The following CST5 variants were observed in gnomAD, a reference collection of about 807,000 sequenced individuals.
CST5 encodes cystatin D, also known as cystatin-D.
Under a neutral mutation model 11.5 loss-of-function variants are expected in CST5, and 13 were observed. The ratio of observed to expected loss-of-function variants is 1.13; its 90% CI spans 0.73 to 1.79. CST5 has a LOEUF of 1.79. Among genes scored for constraint, CST5 ranks in the 40% most tolerant of loss-of-function variants. CST5 has a pLI of 0.00. For synonymous variants in CST5, 81 were observed against 67.6 expected, an observed-to-expected ratio of 1.20 and a Z score of -0.97; for missense variants, 219 against 174.5, an observed-to-expected ratio of 1.25 and a Z score of -1.44.
rs142729279 is a variant in CST5, at chr20:23,877,595, G to A, written c.255C>T (p.Tyr85=). The A allele has an allele frequency of 6.4e-4, 952 of 1,482,620 alleles. No individual in the cohort carries two copies. Among genetic ancestry groups the A allele is most frequent in the Admixed American group, 7.8e-4 (39 of 49,864 alleles). 91.8% of individuals were successfully genotyped at this position (1,482,620 alleles called of 1,614,324 possible). Residue 85 remains tyrosine, a synonymous_variant, in exon 2 of 3, where the codon TAC becomes TAT. Transcript: ENST00000304710. ...YQQIVGGVNY[Y]FNVKFGRTTC... ...TGGTTCGACCGAACTTCACATTGAA[G>A]TAGTAGTTCACCCCACCCACGATCT... is the stretch of plus-strand genomic sequence containing the variant.
chr20:23,877,368 C>G, intron 2 of CST5, 137 bp downstream of exon 2: 1 of 665,676 alleles, frequency 1.5e-6, no homozygotes, highest in Non-Finnish European at 2.6e-6. Context: ...CGTGGCCCCA[C>G]AAATATCTGC....
intron 1 of CST5, 62 bp downstream of exon 1, chr20:23,879,384 T>G: frequency 8.1e-7 from 1 of 1,237,544 alleles, no homozygotes; most frequent in Non-Finnish European, 1.2e-6. Context: ...GGGAGTGCTC[T>G]GGGGGGTGAG....
At chr20:23,878,778 A>G (rs1986016919) in intron 1 of CST5, among the ~76,000 whole-genome samples, 1 of 152,228 alleles carries the variant, frequency 6.6e-6, no homozygotes, top group Non-Finnish European at 1.5e-5. Context: ...CTGCTCTGCC[A>G]TGGGACGTAG....
rs1192748133 is a variant in CST5, at chr20:23,876,172, G to C, written c.*16C>G. ...GGAGTAGGAGGTGGTCAGTGTGACA[G>C]GCCTTGCACAGACCCCTAGACTTTC... On this transcript the variant is annotated 3_prime_UTR_variant, in exon 3 of 3. Coordinates refer to ENST00000304710, the MANE Select transcript of CST5 (RefSeq NM_001900.5). The C allele has an allele frequency of 6.2e-7, 1 of 1,602,518 alleles. No homozygotes were observed. Among genetic ancestry groups the C allele is most frequent in the Non-Finnish European group, 8.5e-7 (1 of 1,169,642 alleles).
At chr20:23,876,461 A>T (rs1289161009) in intron 2 of CST5, among the ~76,000 whole-genome samples, 190 bp from the exon 3 acceptor site, 1 of 152,098 alleles carries the variant, frequency 6.6e-6, no homozygotes, top group East Asian at 1.9e-4. Context: ...TGCCCCTCCC[A>T]AGGCTCCAAG....
At position 23,876,112 on chromosome 20, in the gene CST5, C is replaced by T; in HGVS notation, c.*76G>A. The T allele has an allele frequency of 2.5e-6, 3 of 1,220,876 alleles. No individual in the cohort carries two copies. Among genetic ancestry groups the T allele is most frequent in the East Asian group, 2.4e-5 (1 of 42,166 alleles). The allele number at this position is 1,220,876 out of a possible 1,614,324, so 75.6% of individuals were successfully genotyped here. Reference sequence around the variant, plus strand: ...GAGGAGACCTCCCCCAGGGTGGGGGCCACCAGTCCAGGGGTGGGAGCACTA... The same window carrying T: ...GAGGAGACCTCCCCCAGGGTGGGGGTCACCAGTCCAGGGGTGGGAGCACTA... On this transcript the variant is annotated 3_prime_UTR_variant, in exon 3 of 3. Transcript: ENST00000304710.
chr20:23,876,954 C>T (rs1985975846), intron 2 of CST5, among the ~76,000 whole-genome samples: 1 of 152,142 alleles, frequency 6.6e-6, no homozygotes, highest in African/African-American at 2.4e-5. Context: ...ACAGACAACA[C>T]CCCAAAGCAG....
Position 23,879,554 on chromosome 20 carries a change from G to A in CST5, c.123C>T (p.Asp41=). ...AGGIHATDLN[D]KSVQCALDFA... ...AGTCCAGGGCACACTGCACACTCTT[G>A]TCATTGAGGTCTGTGGCATGGATGC... The change falls in exon 1 of 3, where the codon GAC becomes GAT. Residue 41 remains aspartate (D), a synonymous_variant. Coordinates refer to ENST00000304710, the MANE Select transcript of CST5 (RefSeq NM_001900.5). 6.2e-7 allele frequency: 1 copy of A among 1,614,110 alleles called. No homozygotes were observed. The highest frequency in any genetic ancestry group is 8.5e-7 in the Non-Finnish European group (1 of 1,179,998).
chr20:23,877,920 C>T (rs1458279261), intron 1 of CST5, among the ~76,000 whole-genome samples: 1 of 152,226 alleles, frequency 6.6e-6, no homozygotes, highest in African/African-American at 2.4e-5. Context: ...GATTCAGGAA[C>T]AGAAGGCACA....
At position 23,879,524 on chromosome 20, in the gene CST5, G is replaced by A. The variant is rs1986038190; in HGVS notation, c.153C>T (p.Ala51=). The A allele has an allele frequency of 6.2e-7, 1 of 1,613,918 alleles. No individual in the cohort carries two copies. The highest frequency in any genetic ancestry group is 1.7e-5 in the Admixed American group (1 of 59,994). ...DKSVQCALDF[A]ISEYNKVINK... is the part of the protein sequence containing the mutation. ...TAATGACCTTGTTGTACTCGCTGAT[G>A]GCAAAGTCCAGGGCACACTGCACAC... The change falls in exon 1 of 3, where the codon GCC becomes GCT. Residue 51 remains alanine, a synonymous_variant. Transcript: ENST00000304710.
In CST5 at chr20:23,877,579, C is replaced by T. The variant is rs149503666; in HGVS notation, c.271G>A (p.Gly91Ser). The T allele has an allele frequency of 1.7e-3, 2,810 of 1,613,984 alleles. 14 individuals are homozygous for T. The Middle Eastern group carries it at 0.019, about 11-fold the overall frequency. The change falls in exon 2 of 3, where the codon GGT becomes AGT. Residue 91 changes from glycine to serine, a missense_variant. Physicochemically the swap from Gly to Ser is moderately conservative, Grantham distance 56. Transcript: ENST00000304710. Reference sequence around the variant, plus strand: ...TGGGACTTGGTGCATGTGGTTCGACCGAACTTCACATTGAAGTAGTAGTTC... The same window carrying T: ...TGGGACTTGGTGCATGTGGTTCGACTGAACTTCACATTGAAGTAGTAGTTC... ...GVNYYFNVKF[G>S]RTTCTKSQPN...
At chr20:23,877,435 A>G (rs1985986528) in intron 2 of CST5, 70 bp downstream of exon 2, 1 of 1,182,794 alleles carries the variant, frequency 8.5e-7, no homozygotes, top group Non-Finnish European at 1.3e-6. Context: ...GTGCACACAC[A>G]CATACACACA....
In CST5 at chr20:23,879,571, C is replaced by T. The variant is rs1216220927; in HGVS notation, c.106G>A (p.Ala36Thr). The T allele has an allele frequency of 6.2e-7, 1 of 1,614,096 alleles. No individual in the cohort carries two copies. Among genetic ancestry groups the T allele is most frequent in the East Asian group, 2.2e-5 (1 of 44,864 alleles). Reference protein sequence around the residue: ...QSRTLAGGIHATDLNDKSVQC... With the variant: ...QSRTLAGGIHTTDLNDKSVQC... ...ACACTCTTGTCATTGAGGTCTGTGG[C>T]ATGGATGCCACCTGCCAAGGTCCTA... The change falls in exon 1 of 3, where the codon GCC (alanine) becomes ACC (threonine). Residue 36 changes from alanine (A) to threonine (T), a missense_variant. Transcript: ENST00000304710.
At chr20:23,878,586 A>G (rs1986011903) in intron 1 of CST5, among the ~76,000 whole-genome samples, 1 of 152,174 alleles carries the variant, frequency 6.6e-6, no homozygotes, top group African/African-American at 2.4e-5. Context: ...CCAGTGAGTG[A>G]CACACTTAAG....
At chr20:23,877,478 T>G (rs753592570) in intron 2 of CST5, 27 bp downstream of exon 2, 2 of 1,565,774 alleles carry the variant, frequency 1.3e-6, no homozygotes, top group Non-Finnish European at 8.8e-7. Flanking sequence ...CGGTACTTGA[T>G]GCCCCTGACC....
chr20:23,877,560 T>C lies in CST5; in HGVS notation c.290A>G (p.Lys97Arg), dbSNP rs751850332. ...ACAGTTGTCCAAGTTGGGCTGGGAC[T>C]TGGTGCATGTGGTTCGACCGAACTT... ...NVKFGRTTCT[K>R]SQPNLDNCPF... Residue 97 changes from lysine (K) to arginine (R), a missense_variant, in exon 2 of 3, where the codon AAG (lysine) becomes AGG (arginine). Transcript: ENST00000304710. 11 of 1,613,972 alleles carry C rather than the reference T, an allele frequency of 6.8e-6. No homozygotes were observed. Among genetic ancestry groups the C allele is most frequent in the African/African-American group, 1.3e-5 (1 of 74,914 alleles).
intron 1 of CST5, 55 bp from the exon 2 acceptor site, chr20:23,877,673 A>T: frequency 7.1e-7 from 1 of 1,402,722 alleles, no homozygotes. Flanking sequence ...TTTCATGCAC[A>T]CGCAGGCACT....
At position 23,879,023 on chromosome 20, in the gene CST5, G is replaced by A. The variant is rs116649063; in HGVS notation, c.231+423C>T. ...TAGCCATAACGGGCTGTGCCCAGGG[G>A]CGTGACTTGGGAGGGAAGCGGGGCT... On this transcript the variant is annotated intron_variant, in intron 1 of 2. Transcript: ENST00000304710. 2.5e-3 allele frequency among the ~76,000 whole-genome samples: 381 copies of A among 152,350 alleles called. 1 individual carries two copies. The highest frequency in any genetic ancestry group is 9.0e-3 in the African/African-American group (373 of 41,574).
chr20:23,879,643 G>A lies in CST5; in HGVS notation c.34C>T (p.Leu12=). ...MWPMHTPLLL[L]TALMVAVAGS... ...GCCACGGCCACCATCAAGGCAGTCAGCAGCAGCAGTGGGGTGTGCATGGGC... is the reference window on the plus strand; with the variant it reads ...GCCACGGCCACCATCAAGGCAGTCAACAGCAGCAGTGGGGTGTGCATGGGC... Residue 12 remains leucine, a synonymous_variant, in exon 1 of 3, where the codon CTG becomes TTG. Coordinates refer to ENST00000304710, the MANE Select transcript of CST5 (RefSeq NM_001900.5). 6.2e-7 allele frequency: 1 copy of A among 1,613,988 alleles called. No homozygotes were observed. Among genetic ancestry groups the A allele is most frequent in the Non-Finnish European group, 8.5e-7 (1 of 1,179,910 alleles).
Sources: allele counts gnomAD v4.1 joint callset (sites outside exome capture counted in the v4.1 genomes callset), GRCh38; gene constraint gnomAD v4.1.1; transcripts MANE v1.5; gene names NCBI Gene and HGNC (gene_info 2026-07-23, HGNC 2026-07-21).